The following TET1 variants were observed in gnomAD, a reference collection of about 807,000 sequenced individuals.
TET1 encodes the protein tet methylcytosine dioxygenase 1, also known as methylcytosine dioxygenase TET1.
In TET1, 13 loss-of-function variants were observed where a neutral mutation model predicts 148.7. That is an observed-to-expected ratio of 0.09 (90% CI 0.06 to 0.14). The LOEUF is 0.14. Ranked by LOEUF, TET1 falls within the 10% of genes least tolerant of loss-of-function variation. The pLI, the probability that TET1 is intolerant of heterozygous loss-of-function variation, is 1.00. For missense variants in TET1, 2,182 were observed against 2,553.8 expected, an observed-to-expected ratio of 0.85 and a Z score of 3.14; for synonymous variants, 907 against 937.2, an observed-to-expected ratio of 0.97 and a Z score of 0.59.
intron 6 of TET1, 22 bp downstream of exon 6, chr10:68,652,616 A>G: frequency 6.5e-7 from 1 of 1,546,284 alleles, no homozygotes. Flanking sequence ...CTATTTATAC[A>G]TTTTTTTGAA....
chr10:68,588,897 G>A (rs2664445), intron 2 of TET1, among the ~76,000 whole-genome samples: 90,891 of 151,072 alleles, frequency 0.6, 27,443 homozygotes, highest in Middle Eastern at 0.68. Flanking sequence ...TGAGGCAGAA[G>A]GATCCCTTGA....
chr10:68,641,880 C>T (rs188095918), intron 3 of TET1, among the ~76,000 whole-genome samples: 1 of 152,244 alleles, frequency 6.6e-6, no homozygotes, highest in East Asian at 1.9e-4. Flanking sequence ...CTCACTGCAG[C>T]CTTGAACTCC....
intron 3 of TET1, among the ~76,000 whole-genome samples, chr10:68,630,342 C>CGCTCTGTTGCCCAG (rs2054551385): frequency 6.6e-6 from 1 of 152,184 alleles, no homozygotes; most frequent in Non-Finnish European, 1.5e-5. Context: ...CACGGAGTGT[C>CGCTCTGTTGCCCAG]GCTCTGTTGC....
rs765798398 is a variant in TET1 at position 68,572,825 on chromosome 10, A to T, written c.487A>T (p.Thr163Ser). Reference sequence around the variant, plus strand: ...AAATGATTCGGTTCCAATGCAAGACACCCAAGTCCTTCCTGATATAGAGAC... The same window carrying T: ...AAATGATTCGGTTCCAATGCAAGACTCCCAAGTCCTTCCTGATATAGAGAC... ...SENDSVPMQD[T>S]QVLPDIETLI... The change falls in exon 2 of 12, where the codon ACC becomes TCC. Residue 163 changes from threonine to serine, a missense_variant. By Grantham distance (58) the Thr-to-Ser change is moderately conservative (BLOSUM62 1). Transcript: ENST00000373644. 3.1e-6 allele frequency: 5 copies of T among 1,614,004 alleles called. No individual in the cohort carries two copies. In the East Asian group the frequency reaches 1.1e-4, roughly 36 times the overall value.
rs1432830647 is a variant in TET1 at position 68,645,072 on chromosome 10, A to C, written c.2343A>C (p.Glu781Asp). Residue 781 changes from glutamate to aspartate, a missense_variant, in exon 4 of 12, where the codon GAA becomes GAC. Coordinates refer to ENST00000373644, the MANE Select transcript of TET1 (RefSeq NM_030625.3). The stretch of plus-strand genomic sequence containing the variant: ...CATTTAAAAAATTCAATATTGAAGA[A>C]TTCGGCAAGACATTGGAAAACAATT... ...NVSFKKFNIE[E>D]FGKTLENNSY... 6.2e-7 allele frequency: 1 copy of C among 1,612,364 alleles called. No homozygotes were observed. The highest frequency in any genetic ancestry group is 8.5e-7 in the Non-Finnish European group (1 of 1,179,646).
rs2053687790 is a variant in TET1, at chr10:68,572,975, A to G, written c.637A>G (p.Ile213Val). 5 of 1,613,994 alleles carry G rather than the reference A, an allele frequency of 3.1e-6. No homozygotes were observed. Among genetic ancestry groups the G allele is most frequent in the Non-Finnish European group, 8.5e-7 (1 of 1,180,038 alleles). The stretch of plus-strand genomic sequence containing the variant: ...TACCCACAGTGGCCCTGCAGCTGAG[A>G]TCCTTCCTGGGCCACTGGAAGGGAC... ...IPTHSGPAAE[I>V]LPGPLEGTRC... Residue 213 changes from isoleucine to valine, a missense_variant, in exon 2 of 12, where the codon ATC (isoleucine) becomes GTC (valine). This residue lies in a region of TET1 where 665 missense variants were observed against 672.4 expected (regional missense o/e 0.99). Coordinates refer to ENST00000373644, the MANE Select transcript of TET1 (RefSeq NM_030625.3).
chr10:68,619,521 C>T (rs189010552), intron 3 of TET1, among the ~76,000 whole-genome samples: 98 of 152,224 alleles, frequency 6.4e-4, no homozygotes, highest in African/African-American at 2.3e-3. Flanking sequence ...CAACCACGCC[C>T]ATTCATTTTG....
At chr10:68,672,487 C>CAAAA (rs71483920) in intron 7 of TET1, among the ~76,000 whole-genome samples, 2,350 of 43,754 alleles carry the variant, frequency 0.054, 206 homozygotes, top group African/African-American at 0.12. Flanking sequence ...GACCCCATCT[C>CAAAA]AAAAAAAAAA....
intron 2 of TET1, among the ~76,000 whole-genome samples, chr10:68,579,690 C>G (rs1172604024): frequency 2.0e-5 from 3 of 152,144 alleles, no homozygotes; most frequent in African/African-American, 4.8e-5. Flanking sequence ...CTTTCAGGGC[C>G]TTCGAATGAT....
chr10:68,632,563 GGGTTTA>G, intron 3 of TET1: 1 of 1,605,468 alleles, frequency 6.2e-7, no homozygotes, highest in Non-Finnish European at 8.5e-7. Flanking sequence ...TGGAGTAGGG[GGGTTTA>G]TCTTGGTGAC....
At chr10:68,610,843 A>G (rs1000073961) in intron 3 of TET1, among the ~76,000 whole-genome samples, 2 of 152,064 alleles carry the variant, frequency 1.3e-5, no homozygotes, top group African/African-American at 2.4e-5. Flanking sequence ...TTTTGTAGAG[A>G]TGAGGTTTTG....
intron 3 of TET1, among the ~76,000 whole-genome samples, chr10:68,624,186 T>A (rs2054417119): frequency 6.6e-6 from 1 of 150,752 alleles, no homozygotes; most frequent in African/African-American, 2.4e-5. Context: ...AACTTCCCCA[T>A]CCCGGGTTCA....
chr10:68,636,565 A>G (rs1029358722), intron 3 of TET1, among the ~76,000 whole-genome samples: 1 of 152,192 alleles, frequency 6.6e-6, no homozygotes, highest in African/African-American at 2.4e-5. Context: ...TACAAAAGCA[A>G]AAGTAGCTGA....
intron 2 of TET1, among the ~76,000 whole-genome samples, chr10:68,584,142 C>T (rs1020012158): frequency 6.6e-6 from 1 of 151,246 alleles, no homozygotes; most frequent in Admixed American, 6.6e-5. Flanking sequence ...CAGGTTCAAG[C>T]GATTCTCCTG....
intron 2 of TET1, among the ~76,000 whole-genome samples, chr10:68,581,401 CAT>C (rs1286106655): frequency 2.6e-5 from 4 of 152,088 alleles, no homozygotes; most frequent in South Asian, 2.1e-4. Flanking sequence ...CATTTTGAAA[CAT>C]ATGCACTACC....
At chr10:68,624,650 TTCTTTCTTTCTCTCTCTCTCTCTCTC>T (rs1458617575) in intron 3 of TET1, among the ~76,000 whole-genome samples, 18 of 57,074 alleles carry the variant, frequency 3.2e-4, no homozygotes, top group Admixed American at 1.2e-3. Flanking sequence ...CTTTCTTTCT[TTCTTTCTTTCTCTCTCTCTCTCTCTC>T]TCTCTCTCTC....
Position 68,574,064 on chromosome 10 carries a change from T to G in TET1, c.1726T>G (p.Tyr576Asp). The change falls in exon 2 of 12, where the codon TAT (tyrosine) becomes GAT (aspartate). Residue 576 changes from tyrosine to aspartate, a missense_variant. Transcript: ENST00000373644. ...VPMVSTSSSS[Y>D]TTLLPTLEKK... ...AATGGTCAGTACCTCCTCTTCTTCCTATACCACTTTGCTACCGACTTTGGA... is the reference window on the plus strand; with the variant it reads ...AATGGTCAGTACCTCCTCTTCTTCCGATACCACTTTGCTACCGACTTTGGA... The G allele has an allele frequency of 6.2e-7, 1 of 1,614,172 alleles. No individual in the cohort carries two copies. The highest frequency in any genetic ancestry group is 8.5e-7 in the Non-Finnish European group (1 of 1,180,036).
At chr10:68,597,189 A>C (rs2053999454) in intron 2 of TET1, among the ~76,000 whole-genome samples, 1 of 151,512 alleles carries the variant, frequency 6.6e-6, no homozygotes, top group African/African-American at 2.4e-5. Context: ...GCATGCCACC[A>C]CTCCTGGCTA....
chr10:68,683,271 T>C (rs191436231), intron 10 of TET1, among the ~76,000 whole-genome samples: 2 of 152,138 alleles, frequency 1.3e-5, no homozygotes, highest in Non-Finnish European at 2.9e-5. Flanking sequence ...TACTTTTTTT[T>C]AAATTTATTT....
Sources: allele counts gnomAD v4.1 joint callset (sites outside exome capture counted in the v4.1 genomes callset), GRCh38; gene constraint gnomAD v4.1.1; regional missense constraint gnomAD v4.1.1; transcripts MANE v1.5; gene names NCBI Gene and HGNC (gene_info 2026-07-23, HGNC 2026-07-21).